Variants in PDE4D observed in about 807,000 individuals in gnomAD.
The protein encoded by PDE4D is phosphodiesterase 4D.
In PDE4D, 24 loss-of-function variants were observed where a neutral mutation model predicts 87.4. The ratio of observed to expected loss-of-function variants is 0.27; its 90% CI spans 0.20 to 0.39. PDE4D has a LOEUF of 0.39. Ranked by LOEUF, PDE4D falls within the 10% of genes least tolerant of loss-of-function variation. The pLI, the probability that PDE4D is intolerant of heterozygous loss-of-function variation, is 1.00. For synonymous variants in PDE4D, 384 were observed against 383.2 expected (o/e 1.00, Z -0.02); for missense variants, 714 against 1,041.0 (o/e 0.69, Z 4.32).
At chr5:59,432,865 T>C (rs1183934499) in intron 1 of PDE4D, among the ~76,000 whole-genome samples, 1 of 152,130 alleles carries the variant, frequency 6.6e-6, no homozygotes, top group Non-Finnish European at 1.5e-5. Context: ...ATAATTTTTA[T>C]TAATTTGCAT....
At chr5:59,501,252 C>G (rs1808242347) in intron 1 of PDE4D, among the ~76,000 whole-genome samples, 1 of 152,032 alleles carries the variant, frequency 6.6e-6, no homozygotes, top group Non-Finnish European at 1.5e-5. Context: ...TGTTTTCTCC[C>G]AATAAAACAA....
chr5:59,651,258 C>CAACT (rs551682264), intron 1 of PDE4D, among the ~76,000 whole-genome samples: 2 of 142,260 alleles, frequency 1.4e-5, no homozygotes, highest in Non-Finnish European at 3.0e-5. Flanking sequence ...TCTGTCTCAA[C>CAACT]AATAATAATA....
intron 1 of PDE4D, among the ~76,000 whole-genome samples, chr5:59,776,324 C>T (rs1027331243): frequency 6.6e-5 from 10 of 152,118 alleles, no homozygotes; most frequent in African/African-American, 2.4e-4. Context: ...TAAAAAAAAT[C>T]TTATCCTAGT....
At chr5:59,941,612 A>C (rs1757190282) in intron 3 of PDE4D, among the ~76,000 whole-genome samples, 1 of 152,152 alleles carries the variant, frequency 6.6e-6, no homozygotes, top group Non-Finnish European at 1.5e-5. Context: ...TTTATGATGG[A>C]TTATTGCCCC....
intron 1 of PDE4D, among the ~76,000 whole-genome samples, chr5:59,705,717 T>C (rs1753290406): frequency 6.6e-6 from 1 of 152,226 alleles, no homozygotes; most frequent in Non-Finnish European, 1.5e-5. Context: ...CTTAACTTTG[T>C]GCCAGGAATT....
chr5:60,156,932 T>G (rs952080140), intron 2 of PDE4D, among the ~76,000 whole-genome samples: 2 of 152,180 alleles, frequency 1.3e-5, no homozygotes, highest in African/African-American at 4.8e-5. Context: ...TAGAATTTTT[T>G]GAACTTCTTT....
chr5:59,098,697 C>CAAAAA (rs3061415), intron 5 of PDE4D, among the ~76,000 whole-genome samples: 32 of 66,920 alleles, frequency 4.8e-4, no homozygotes, highest in African/African-American at 1.4e-3. Context: ...GAGAAAGACT[C>CAAAAA]AAAAAAAAAA....
intron 2 of PDE4D, among the ~76,000 whole-genome samples, chr5:59,212,458 T>G (rs954219058): frequency 2.0e-5 from 3 of 152,050 alleles, no homozygotes; most frequent in Admixed American, 2.0e-4. Context: ...TAGTGTTGAC[T>G]CATGGTCTGA....
chr5:60,106,509 T>G (rs1776937156), intron 2 of PDE4D, among the ~76,000 whole-genome samples: 1 of 152,112 alleles, frequency 6.6e-6, no homozygotes, highest in African/African-American at 2.4e-5. Context: ...CAAGCAGACC[T>G]AATAGACATA....
intron 1 of PDE4D, among the ~76,000 whole-genome samples, chr5:60,438,539 T>C (rs1440206239): frequency 6.6e-6 from 1 of 152,100 alleles, no homozygotes; most frequent in Admixed American, 6.5e-5. Flanking sequence ...GCCTGGCATA[T>C]ACATGCTTCA....
intron 1 of PDE4D, among the ~76,000 whole-genome samples, chr5:59,854,002 A>G (rs1745048459): frequency 6.6e-6 from 1 of 152,042 alleles, no homozygotes. Context: ...GTATCATTTC[A>G]GTTTTAGATT....
At chr5:59,218,599 T>C (rs904565226) in intron 1 of PDE4D, among the ~76,000 whole-genome samples, 1 of 152,122 alleles carries the variant, frequency 6.6e-6, no homozygotes, top group Non-Finnish European at 1.5e-5. Context: ...TACTGTAATA[T>C]AAAAATTTGT....
At chr5:59,109,223 A>C (rs1037276338) in intron 5 of PDE4D, among the ~76,000 whole-genome samples, 2 of 152,176 alleles carry the variant, frequency 1.3e-5, no homozygotes, top group African/African-American at 4.8e-5. Context: ...TAAATCCTGT[A>C]TGTGCCATAC....
chr5:59,711,891 C>T (rs1197796884), intron 1 of PDE4D, among the ~76,000 whole-genome samples: 1 of 152,096 alleles, frequency 6.6e-6, no homozygotes. Context: ...GAAAGGGAAA[C>T]AGCCCAATGA....
chr5:59,766,441 CAGA>C lies in PDE4D; in HGVS notation c.455+126724_455+126726del, dbSNP rs1762804725. Among the ~76,000 whole-genome samples, 2 of 152,178 alleles carry C rather than the reference CAGA, an allele frequency of 1.3e-5. 1 individual carries two copies. Among genetic ancestry groups the C allele is most frequent in the African/African-American group, 4.8e-5 (2 of 41,446 alleles). The stretch of plus-strand genomic sequence containing the variant: ...CCAGAAAAGGAAGTGCCAGAAATGT[CAGA>C]AGAAAGCCTATTTTCATGGGATTTC... On this transcript the variant is annotated intron_variant, in intron 1 of 14. Coordinates refer to ENST00000340635, the MANE Select transcript of PDE4D (RefSeq NM_001104631.2).
At chr5:60,016,714 CTCT>C (rs1765556005) in intron 2 of PDE4D, among the ~76,000 whole-genome samples, 1 of 152,164 alleles carries the variant, frequency 6.6e-6, no homozygotes, top group South Asian at 2.1e-4. Context: ...AGCTCCTCAT[CTCT>C]TCAAGTTTTA....
intron 1 of PDE4D, among the ~76,000 whole-genome samples, chr5:59,436,431 CAA>C (rs1796809920): frequency 6.6e-6 from 1 of 152,114 alleles, no homozygotes; most frequent in Admixed American, 6.5e-5. Context: ...TACATCCAAA[CAA>C]AAGTCTTCAT....
intron 1 of PDE4D, among the ~76,000 whole-genome samples, chr5:60,482,132 T>C (rs896808773): frequency 2.6e-5 from 4 of 152,108 alleles, no homozygotes; most frequent in African/African-American, 7.2e-5. Flanking sequence ...AATTAGGTCA[T>C]GAGAGTGGAG....
chr5:60,485,740 C>T (rs562070684), intron 1 of PDE4D, among the ~76,000 whole-genome samples: 43 of 152,226 alleles, frequency 2.8e-4, no homozygotes, highest in Middle Eastern at 3.4e-3. Flanking sequence ...CCATGCCTTG[C>T]CCCCAGCCCA....
Sources: gnomAD v4.1 joint callset for allele counts (sites outside exome capture counted in the v4.1 genomes callset) on GRCh38, gnomAD v4.1.1 for gene constraint, MANE v1.5 for transcripts, NCBI Gene and HGNC (gene_info 2026-07-23, HGNC 2026-07-21) for gene names.